The following FGF23 variants were observed in gnomAD, a reference collection of about 807,000 sequenced individuals.
The protein encoded by FGF23 is phosphatonin.
FGF23 carries 8 observed loss-of-function variants against 9.0 expected under a neutral mutation model. That is an observed-to-expected ratio of 0.89 (90% CI 0.52 to 1.60). The LOEUF (loss-of-function observed/expected upper bound fraction) is 1.60. Ranked by LOEUF, FGF23 falls within the 40% of genes most tolerant of loss-of-function variation. The probability of loss-of-function intolerance (pLI) is 0.00; values close to 1 mark genes in which losing one functional copy is unlikely to be tolerated. For synonymous variants in FGF23, 118 were observed against 146.2 expected, an observed-to-expected ratio of 0.81 and a Z score of 1.39; for missense variants, 311 against 344.3, an observed-to-expected ratio of 0.90 and a Z score of 0.77.
rs58735464 is a variant in FGF23 at position 4,369,970 on chromosome 12, CTTTTTTTTTTTT to C, written c.*361_*372del. On this transcript the variant is annotated 3_prime_UTR_variant, in exon 3 of 3. Coordinates refer to ENST00000237837, the MANE Select transcript of FGF23 (RefSeq NM_020638.3). The stretch of plus-strand genomic sequence containing the variant: ...AAGTCTTGAGCTCAGGAACCCACTG[CTTTTTTTTTTTT>C]TTTTTTTTTTTTTTTTTTTTATGCT... 20 of 90,924 alleles carry C rather than the reference CTTTTTTTTTTTT, an allele frequency of 2.2e-4. No individual in the cohort carries two copies. Among genetic ancestry groups the C allele is most frequent in the Middle Eastern group, 5.1e-3 (1 of 196 alleles). The allele number at this position is 90,924 out of a possible 1,614,324, so 5.6% of individuals were successfully genotyped here. A position where few individuals can be genotyped will look rare whatever the true frequency, so the allele number is the denominator to read the frequency against.
rs767442988 is a variant in FGF23, at chr12:4,372,605, T to G, written c.304A>C (p.Ile102Leu). The G allele has an allele frequency of 1.2e-6, 2 of 1,605,268 alleles. No homozygotes were observed. Among genetic ancestry groups the G allele is most frequent in the Non-Finnish European group, 1.7e-6 (2 of 1,171,922 alleles). The change falls in exon 2 of 3, where the codon ATT (isoleucine) becomes CTT (leucine). Residue 102 changes from isoleucine (I) to leucine (L), a missense_variant. Coordinates refer to ENST00000237837, the MANE Select transcript of FGF23 (RefSeq NM_020638.3). Reference protein sequence around the residue: ...RYLCMDFRGNIFGSHYFDPEN... With the variant: ...RYLCMDFRGNLFGSHYFDPEN... The stretch of plus-strand genomic sequence containing the variant: ...AAAAAGAAACTCACTGATCCAAAAA[T>G]GTTGCCTCTGAAATCCATGCAGAGG...
Position 4,371,920 on chromosome 12 carries a change from A to G in FGF23, c.315+674T>C, listed in dbSNP as rs959057439. 2.0e-5 allele frequency among the ~76,000 whole-genome samples: 3 copies of G among 152,084 alleles called. No homozygotes were observed. The South Asian group carries it at 6.2e-4, about 32-fold the overall frequency. ...TGTGCTAGATTCAAAAGTGGGTTCCACAACCCAAATGTCCAACAATGATAG... is the reference window on the plus strand; with the variant it reads ...TGTGCTAGATTCAAAAGTGGGTTCCGCAACCCAAATGTCCAACAATGATAG... On this transcript the variant is annotated intron_variant, in intron 2 of 2. Transcript: ENST00000237837.
intron 1 of FGF23, among the ~76,000 whole-genome samples, chr12:4,373,378 A>G (rs13312786): frequency 0.1 from 15,887 of 152,278 alleles, 1,020 homozygotes; most frequent in South Asian, 0.23. Flanking sequence ...TACAGCATGT[A>G]TTCCATTTAA....
chr12:4,372,483 G>T, intron 2 of FGF23, 111 bp downstream of exon 2: 1 of 743,322 alleles, frequency 1.3e-6, no homozygotes, highest in East Asian at 2.6e-5. Flanking sequence ...GTGGAAACAG[G>T]TCACCAGGGT....
Position 4,379,395 on chromosome 12 carries a change from C to A in FGF23, c.188G>T (p.Gly63Val). The A allele has an allele frequency of 6.2e-7, 1 of 1,612,724 alleles. No individual in the cohort carries two copies. The highest frequency in any genetic ancestry group is 2.2e-5 in the East Asian group (1 of 44,884). ...LQIHKNGHVD[G>V]APHQTIYSAL... ...ACTGTAGATGGTCTGATGGGGTGCG[C>A]CATCCACATGGCCATTCTTGTGGAT... Residue 63 changes from glycine to valine, a missense_variant, in exon 1 of 3, where the codon GGC becomes GTC. Around this residue, in one of 3 missense-constraint regions of FGF23, gnomAD observed 102 missense variants for 108.2 expected, o/e 0.94. Transcript: ENST00000237837.
chr12:4,373,537 C>T (rs1865085523), intron 1 of FGF23, among the ~76,000 whole-genome samples: 1 of 152,158 alleles, frequency 6.6e-6, no homozygotes, highest in African/African-American at 2.4e-5. Context: ...GTCATTTTCT[C>T]ACTTGGTGGT....
intron 1 of FGF23, 130 bp downstream of exon 1, chr12:4,379,242 A>T: frequency 2.5e-6 from 2 of 794,238 alleles, no homozygotes; most frequent in Non-Finnish European, 4.4e-6. Flanking sequence ...CACAAAGACA[A>T]TAAGTGGTTC....
In FGF23 at chr12:4,379,391, T is replaced by G. The variant is rs746307839; in HGVS notation, c.192A>C (p.Ala64=). The G allele has an allele frequency of 1.2e-5, 19 of 1,612,098 alleles. No homozygotes were observed. The Admixed American group carries it at 3.2e-4, about 27-fold the overall frequency. The change falls in exon 1 of 3, where the codon GCA becomes GCC. Residue 64 remains alanine (A), a synonymous_variant. Transcript: ENST00000237837. ...QIHKNGHVDG[A]PHQTIYSALM... ...ACTCACTGTAGATGGTCTGATGGGGTGCGCCATCCACATGGCCATTCTTGT... is the reference window on the plus strand; with the variant it reads ...ACTCACTGTAGATGGTCTGATGGGGGGCGCCATCCACATGGCCATTCTTGT...
In FGF23 at chr12:4,370,716, T is replaced by C. The variant is rs755798441; in HGVS notation, c.383A>G (p.His128Arg). The change falls in exon 3 of 3, where the codon CAC becomes CGC. Residue 128 changes from histidine (H) to arginine (R), a missense_variant. By Grantham distance (29) the His-to-Arg change is conservative. This residue lies in a region of FGF23 where 206 missense variants were observed against 219.2 expected (regional missense o/e 0.94). Coordinates refer to ENST00000237837, the MANE Select transcript of FGF23 (RefSeq NM_020638.3). ...GACCAGGAAGTGATACTGAGGAGAG[T>C]GGTAGACGTCGTACCCGTTTTCCAG... ...QTLENGYDVY[H>R]SPQYHFLVSL... 20 of 1,613,628 alleles carry C rather than the reference T, an allele frequency of 1.2e-5. No individual in the cohort carries two copies. Among genetic ancestry groups the C allele is most frequent in the Non-Finnish European group, 1.7e-5 (20 of 1,179,910 alleles).
intron 1 of FGF23, 49 bp downstream of exon 1, chr12:4,379,317 CTGTAGA>C: frequency 6.6e-7 from 1 of 1,524,730 alleles, no homozygotes; most frequent in South Asian, 1.1e-5. Context: ...CCCAAGCCTC[CTGTAGA>C]TGGACAACAA....
At position 4,370,511 on chromosome 12, in the gene FGF23, C is replaced by A; in HGVS notation, c.588G>T (p.Arg196=). The change falls in exon 3 of 3, where the codon CGG becomes CGT. Residue 196 remains arginine (R), a synonymous_variant. Transcript: ENST00000237837. ...AGGCCGGGGCCGGGGTCATCCGGGC[C>A]CGGGGCTTCAGCACGTTCAGGGGGT... ...ERDPLNVLKP[R]ARMTPAPASC... is the part of the protein sequence containing the mutation. 6.2e-7 allele frequency: 1 copy of A among 1,611,644 alleles called. No individual in the cohort carries two copies. Among genetic ancestry groups the A allele is most frequent in the African/African-American group, 1.3e-5 (1 of 74,918 alleles).
chr12:4,377,644 A>C lies in FGF23; in HGVS notation c.211+1728T>G, dbSNP rs145920308. On this transcript the variant is annotated intron_variant, in intron 1 of 2. Transcript: ENST00000237837. ...ATGGGGTTTCACTGTGTTAGCCAGGATGGTCTCAATCTCCTGACCTCGTGA... is the reference window on the plus strand; with the variant it reads ...ATGGGGTTTCACTGTGTTAGCCAGGCTGGTCTCAATCTCCTGACCTCGTGA... Among the ~76,000 whole-genome samples, 770 of 148,308 alleles carry C rather than the reference A, an allele frequency of 5.2e-3. 10 individuals are homozygous for C. Among genetic ancestry groups the C allele is most frequent in the African/African-American group, 0.017 (713 of 40,776 alleles).
Position 4,368,320 on chromosome 12 carries a change from T to C in FGF23, c.*2023A>G, listed in dbSNP as rs547468001. 2 of 177,696 alleles carry C rather than the reference T, an allele frequency of 1.1e-5. No individual in the cohort carries two copies. Among genetic ancestry groups the C allele is most frequent in the South Asian group, 2.0e-4 (1 of 5,018 alleles). 11.0% of individuals were successfully genotyped at this position (177,696 alleles called of 1,614,324 possible). ...TATGAATGGAAGAAATCTTTGAAAA[T>C]TTTAAAATTCTAAAATCTTTTTTTC... On this transcript the variant is annotated 3_prime_UTR_variant, in exon 3 of 3. Transcript: ENST00000237837.
At position 4,378,765 on chromosome 12, in the gene FGF23, GAT is replaced by G. The variant is rs1189275290; in HGVS notation, c.211+605_211+606del. 4.4e-3 allele frequency among the ~76,000 whole-genome samples: 661 copies of G among 151,738 alleles called. 1 individual carries two copies. Among genetic ancestry groups the G allele is most frequent in the African/African-American group, 0.015 (604 of 41,348 alleles). On this transcript the variant is annotated intron_variant, in intron 1 of 2. Coordinates refer to ENST00000237837, the MANE Select transcript of FGF23 (RefSeq NM_020638.3). ...GGATGGATGGATGGATGGATGGATG[GAT>G]GGATGGATGCATGGACAAATGAATG... is the stretch of plus-strand genomic sequence containing the variant.
Position 4,379,647 on chromosome 12 carries a change from G to T in FGF23, c.-65C>A. 2.2e-6 allele frequency: 3 copies of T among 1,393,924 alleles called. No individual in the cohort carries two copies. Among genetic ancestry groups the T allele is most frequent in the Non-Finnish European group, 3.0e-6 (3 of 1,014,590 alleles). 86.3% of individuals were successfully genotyped at this position (1,393,924 alleles called of 1,614,324 possible). On this transcript the variant is annotated 5_prime_UTR_variant, in exon 1 of 3. Transcript: ENST00000237837. ...TGACACTCCTGTCGGGACTCTCCTG[G>T]CCCAGGCCTTACTGGCCTTTTCCTT...
Position 4,379,665 on chromosome 12 carries a change from T to G in FGF23, c.-83A>C. Reference sequence around the variant, plus strand: ...TCTCCTGGCCCAGGCCTTACTGGCCTTTTCCTTCTCCCTTGCAAGTAGCTG... The same window carrying G: ...TCTCCTGGCCCAGGCCTTACTGGCCGTTTCCTTCTCCCTTGCAAGTAGCTG... On this transcript the variant is annotated 5_prime_UTR_variant, in exon 1 of 3. Transcript: ENST00000237837. 1 of 1,195,770 alleles carries G rather than the reference T, an allele frequency of 8.4e-7. No homozygotes were observed. Among genetic ancestry groups the G allele is most frequent in the Non-Finnish European group, 1.2e-6 (1 of 836,236 alleles). 74.1% of individuals were successfully genotyped at this position (1,195,770 alleles called of 1,614,324 possible).
Position 4,379,429 on chromosome 12 carries a change from G to A in FGF23, c.154C>T (p.His52Tyr). ...LYTATARNSY[H>Y]LQIHKNGHVD... ...TGGCCATTCTTGTGGATCTGCAGGTGGTAGCTGTTCCTGGCTGTGGCTGTG... is the reference window on the plus strand; with the variant it reads ...TGGCCATTCTTGTGGATCTGCAGGTAGTAGCTGTTCCTGGCTGTGGCTGTG... Residue 52 changes from histidine to tyrosine, a missense_variant, in exon 1 of 3, where the codon CAC (histidine) becomes TAC (tyrosine). His to Tyr is a moderately conservative substitution (Grantham distance 83). This residue lies in a region of FGF23 where 102 missense variants were observed against 108.2 expected (regional missense o/e 0.94). Transcript: ENST00000237837. 2 of 1,613,560 alleles carry A rather than the reference G, an allele frequency of 1.2e-6. No homozygotes were observed. The highest frequency in any genetic ancestry group is 1.7e-6 in the Non-Finnish European group (2 of 1,180,032).
Position 4,370,488 on chromosome 12 carries a change from G to A in FGF23, c.611C>T (p.Ala204Val), listed in dbSNP as rs1865049991. The A allele has an allele frequency of 6.2e-7, 1 of 1,611,670 alleles. No homozygotes were observed. The highest frequency in any genetic ancestry group is 8.5e-7 in the Non-Finnish European group (1 of 1,178,340). Residue 204 changes from alanine to valine, a missense_variant, in exon 3 of 3, where the codon GCC becomes GTC. Around this residue, in one of 3 missense-constraint regions of FGF23, gnomAD observed 206 missense variants for 219.2 expected, o/e 0.94. Transcript: ENST00000237837. ...GCTCGGGAGCTCCTGTGAACAGGAG[G>A]CCGGGGCCGGGGTCATCCGGGCCCG... ...KPRARMTPAP[A>V]SCSQELPSAE... is the part of the protein sequence containing the mutation.
At chr12:4,377,736 T>C (rs1865134800) in intron 1 of FGF23, among the ~76,000 whole-genome samples, 1 of 150,880 alleles carries the variant, frequency 6.6e-6, no homozygotes, top group Non-Finnish European at 1.5e-5. Context: ...GGCCCACATA[T>C]AGTCTTGAAT....
Sources: gnomAD v4.1 joint callset for allele counts (sites outside exome capture counted in the v4.1 genomes callset) on GRCh38, gnomAD v4.1.1 for gene constraint, gnomAD v4.1.1 regional missense constraint, MANE v1.5 for transcripts, NCBI Gene and HGNC (gene_info 2026-07-23, HGNC 2026-07-21) for gene names.